The following PRKN variants were observed in gnomAD, a reference collection of about 807,000 sequenced individuals.
PRKN encodes the protein E3 ubiquitin-protein ligase parkin.
Under a neutral mutation model 59.5 loss-of-function variants are expected in PRKN, and 56 were observed. The ratio of observed to expected loss-of-function variants is 0.94; its 90% confidence interval spans 0.76 to 1.18. The LOEUF is 1.18. Among genes scored for constraint, PRKN ranks in the 50% most tolerant of loss-of-function variants. The pLI, the probability that PRKN is intolerant of heterozygous loss-of-function variation, is 0.00. For synonymous variants in PRKN, 250 were observed against 222.1 expected, an observed-to-expected ratio of 1.13 and a Z score of -1.12; for missense variants, 657 against 596.4, an observed-to-expected ratio of 1.10 and a Z score of -1.06.
chr6:161,792,934 C>T (rs1398427400), intron 6 of PRKN, among the ~76,000 whole-genome samples: 1 of 152,098 alleles, frequency 6.6e-6, no homozygotes, highest in African/African-American at 2.4e-5. Flanking sequence ...TCTCAGAGAC[C>T]AAATGCATTT....
Position 161,549,074 on chromosome 6 carries a change from A to C in PRKN, c.934-71T>G. The C allele has an allele frequency of 6.5e-7, 1 of 1,537,766 alleles. No homozygotes were observed. The highest frequency in any genetic ancestry group is 1.7e-5 in the Admixed American group (1 of 59,682). On this transcript the variant is annotated intron_variant, in intron 8 of 11. Transcript: ENST00000366898. This position sits in a 1 kb window ranked among gnomAD's most constrained non-coding sequence, Gnocchi z 6.0. ...TTTCAGCCAAAGGGTTAGGAGCTAC[A>C]GTGCATGGGATTTCTTGCTTAACCA...
intron 4 of PRKN, among the ~76,000 whole-genome samples, chr6:162,145,851 C>T (rs1361382665): frequency 1.3e-5 from 2 of 152,168 alleles, no homozygotes; most frequent in Non-Finnish European, 2.9e-5. Flanking sequence ...AGCAACCAAT[C>T]AGAGGCTAAA....
intron 4 of PRKN, among the ~76,000 whole-genome samples, chr6:162,122,411 C>T (rs750499553): frequency 6.6e-6 from 1 of 152,126 alleles, no homozygotes; most frequent in Non-Finnish European, 1.5e-5. Flanking sequence ...AAACGGTCCT[C>T]GCTGGAAAAG....
intron 4 of PRKN, among the ~76,000 whole-genome samples, chr6:162,084,870 A>G (rs1779192078): frequency 6.6e-6 from 1 of 151,954 alleles, no homozygotes; most frequent in Non-Finnish European, 1.5e-5. Context: ...CACAATTAGG[A>G]CAAAATATTC....
chr6:161,512,369 T>A (rs190155406), intron 9 of PRKN, among the ~76,000 whole-genome samples: 1 of 151,836 alleles, frequency 6.6e-6, no homozygotes, highest in African/African-American at 2.4e-5. Context: ...GACAATATAA[T>A]AAAATTATAG....
At chr6:162,361,732 CT>C (rs1785152011) in intron 2 of PRKN, among the ~76,000 whole-genome samples, 1 of 152,076 alleles carries the variant, frequency 6.6e-6, no homozygotes, top group Non-Finnish European at 1.5e-5. Flanking sequence ...GTTTGATGTT[CT>C]GCTCAAATTA....
At chr6:162,722,276 A>G (rs1009121263) in intron 1 of PRKN, among the ~76,000 whole-genome samples, 2 of 152,244 alleles carry the variant, frequency 1.3e-5, no homozygotes, top group Non-Finnish European at 2.9e-5. Flanking sequence ...TGAAAAACAG[A>G]CATTTGAGTT....
intron 3 of PRKN, among the ~76,000 whole-genome samples, chr6:162,251,238 C>T (rs1779420318): frequency 6.6e-6 from 1 of 152,062 alleles, no homozygotes; most frequent in East Asian, 1.9e-4. Context: ...GATGAATGAT[C>T]CAGACACTCT....
chr6:161,864,148 T>C (rs1388032921), intron 6 of PRKN, among the ~76,000 whole-genome samples: 1 of 152,184 alleles, frequency 6.6e-6, no homozygotes, highest in Non-Finnish European at 1.5e-5. Flanking sequence ...TCATGAAAGA[T>C]TTCTCTGTAG....
chr6:162,660,277 TC>T (rs1451757290), intron 1 of PRKN, among the ~76,000 whole-genome samples: 1 of 152,196 alleles, frequency 6.6e-6, no homozygotes, highest in African/African-American at 2.4e-5. Context: ...ACCCCTTGTT[TC>T]AATCACAATT....
chr6:162,092,733 T>C (rs1034158868), intron 4 of PRKN, among the ~76,000 whole-genome samples: 1 of 152,226 alleles, frequency 6.6e-6, no homozygotes, highest in South Asian at 2.1e-4. Flanking sequence ...GCAAGTTCTA[T>C]ACAAAGCTAC....
intron 2 of PRKN, among the ~76,000 whole-genome samples, chr6:162,350,004 G>A (rs774280625): frequency 1.1e-4 from 17 of 152,276 alleles, no homozygotes; most frequent in Non-Finnish European, 2.1e-4. Context: ...AGCCAAGTTG[G>A]AAGAGAATAA....
intron 7 of PRKN, among the ~76,000 whole-genome samples, chr6:161,762,635 A>C (rs1273332419): frequency 6.6e-6 from 1 of 152,226 alleles, no homozygotes; most frequent in Non-Finnish European, 1.5e-5. Flanking sequence ...GATTTAAATA[A>C]CTACAAAAAC....
At chr6:161,932,174 T>A (rs1419224296) in intron 6 of PRKN, among the ~76,000 whole-genome samples, 1 of 152,102 alleles carries the variant, frequency 6.6e-6, no homozygotes, top group African/African-American at 2.4e-5. Flanking sequence ...AAGATTAATC[T>A]TGGCAATGTG....
chr6:162,433,259 C>T (rs1254209791), intron 2 of PRKN, among the ~76,000 whole-genome samples: 1 of 152,034 alleles, frequency 6.6e-6, no homozygotes, highest in South Asian at 2.1e-4. Flanking sequence ...GGCATTATTA[C>T]TATCTACACT....
intron 6 of PRKN, among the ~76,000 whole-genome samples, chr6:161,835,019 T>G (rs1792687577): frequency 6.6e-6 from 1 of 152,160 alleles, no homozygotes; most frequent in South Asian, 2.1e-4. Flanking sequence ...AGGCATCATT[T>G]CTGCCCGCTG....
At chr6:162,426,034 G>A (rs544795332) in intron 2 of PRKN, among the ~76,000 whole-genome samples, 3 of 152,124 alleles carry the variant, frequency 2.0e-5, no homozygotes, top group African/African-American at 7.2e-5. Flanking sequence ...CAGTAGCAAA[G>A]ATAAAAGCTA....
intron 2 of PRKN, among the ~76,000 whole-genome samples, chr6:162,305,694 G>A (rs1277651629): frequency 6.6e-6 from 1 of 152,112 alleles, no homozygotes; most frequent in Non-Finnish European, 1.5e-5. Context: ...CTGACTTCTA[G>A]TGTCTCTGTG....
intron 1 of PRKN, among the ~76,000 whole-genome samples, chr6:162,650,394 G>A (rs914114595): frequency 2.0e-5 from 3 of 151,714 alleles, no homozygotes; most frequent in Non-Finnish European, 4.4e-5. Context: ...TCAGGAGATC[G>A]AGACCATCCC....
Sources: allele counts gnomAD v4.1 joint callset (sites outside exome capture counted in the v4.1 genomes callset), GRCh38; gene constraint gnomAD v4.1.1; non-coding constraint Gnocchi (gnomAD v3.1); transcripts MANE v1.5; gene names NCBI Gene and HGNC (gene_info 2026-07-23, HGNC 2026-07-21).